The following SPOPL variants were observed in gnomAD, a reference collection of about 807,000 sequenced individuals.
SPOPL encodes speckle-type POZ protein-like.
SPOPL carries 23 observed loss-of-function variants against 53.8 expected under a neutral mutation model. The observed-to-expected ratio is 0.43, with a 90% confidence interval of 0.31 to 0.61. SPOPL has a LOEUF of 0.61. Ranked by LOEUF, SPOPL falls within the 20% of genes least tolerant of loss-of-function variation. The probability of loss-of-function intolerance (pLI) is 0.12; values close to 1 mark genes in which losing one functional copy is unlikely to be tolerated. For missense variants in SPOPL, 442 were observed against 466.9 expected (o/e 0.95, Z 0.49); for synonymous variants, 164 against 149.7 (o/e 1.10, Z -0.70).
chr2:138,554,440 A>G, intron 5 of SPOPL: 1 of 1,229,620 alleles, frequency 8.1e-7, no homozygotes, highest in Non-Finnish European at 1.1e-6. Flanking sequence ...CTTCTACAGA[A>G]TCTCCAGCAC....
chr2:138,514,579 A>T (rs1179527160), intron 1 of SPOPL, among the ~76,000 whole-genome samples: 2 of 152,068 alleles, frequency 1.3e-5, no homozygotes, highest in Non-Finnish European at 2.9e-5. Context: ...TCTGTATATC[A>T]TGATTTATCT....
In SPOPL at chr2:138,571,321, G is replaced by T. The variant is rs13404361; in HGVS notation, c.*2241G>T. 3,080 of 152,390 alleles carry T rather than the reference G, an allele frequency of 0.02. 57 individuals carry two copies. Among genetic ancestry groups the T allele is most frequent in the Non-Finnish European group, 0.032 (2,208 of 67,940 alleles). The allele number at this position is 152,390 out of a possible 1,614,324, so 9.4% of individuals were successfully genotyped here. ...CCACAGTGACTTCAGTAAAAATACC[G>T]TATAATGAACATTTCAGCTTCTTCT... is the stretch of plus-strand genomic sequence containing the variant. On this transcript the variant is annotated 3_prime_UTR_variant, in exon 11 of 11. Coordinates refer to ENST00000280098, the MANE Select transcript of SPOPL (RefSeq NM_001001664.3).
At chr2:138,565,858 C>T (rs1309597845) in intron 10 of SPOPL, among the ~76,000 whole-genome samples, 1 of 151,274 alleles carries the variant, frequency 6.6e-6, no homozygotes, top group Non-Finnish European at 1.5e-5. Flanking sequence ...CTCAGCCTCC[C>T]AAGTAGCTGG....
intron 4 of SPOPL, among the ~76,000 whole-genome samples, chr2:138,552,027 C>A (rs1016586913): frequency 9.9e-5 from 15 of 151,850 alleles, no homozygotes; most frequent in South Asian, 2.1e-4. Flanking sequence ...AAAGGACTTT[C>A]TTTATCTTTT....
chr2:138,513,442 A>C (rs1034568652), intron 1 of SPOPL, among the ~76,000 whole-genome samples: 3 of 152,122 alleles, frequency 2.0e-5, no homozygotes, highest in Non-Finnish European at 4.4e-5. Context: ...AATCCCAGCT[A>C]CTCGGGAGGC....
chr2:138,512,458 G>A (rs1003461450), intron 1 of SPOPL, among the ~76,000 whole-genome samples: 68 of 152,086 alleles, frequency 4.5e-4, no homozygotes, highest in African/African-American at 1.4e-3. Flanking sequence ...TATTATTGAC[G>A]CGTGTTTTAA....
At chr2:138,557,160 G>GA (rs200176793) in intron 5 of SPOPL, among the ~76,000 whole-genome samples, 39 of 142,450 alleles carry the variant, frequency 2.7e-4, no homozygotes, top group Non-Finnish European at 2.9e-4. Context: ...CGTCTCAAAA[G>GA]AAAAAAAAAA....
chr2:138,503,657 C>G (rs1684153371), intron 1 of SPOPL, among the ~76,000 whole-genome samples: 2 of 152,210 alleles, frequency 1.3e-5, no homozygotes, highest in African/African-American at 4.8e-5. Context: ...ACAGATAGGT[C>G]AGTCCTTATT....
At chr2:138,540,870 G>A (rs1399364433) in intron 1 of SPOPL, among the ~76,000 whole-genome samples, 2 of 152,128 alleles carry the variant, frequency 1.3e-5, no homozygotes, top group African/African-American at 4.8e-5. Flanking sequence ...TATGATATTG[G>A]CTGTGGGTTT....
At position 138,571,232 on chromosome 2, in the gene SPOPL, A is replaced by G. The variant is rs1393975227; in HGVS notation, c.*2152A>G. 1 of 152,466 alleles carries G rather than the reference A, an allele frequency of 6.6e-6. No individual in the cohort carries two copies. The highest frequency in any genetic ancestry group is 1.5e-5 in the Non-Finnish European group (1 of 68,020). 9.4% of individuals were successfully genotyped at this position (152,466 alleles called of 1,614,324 possible). On this transcript the variant is annotated 3_prime_UTR_variant, in exon 11 of 11. Coordinates refer to ENST00000280098, the MANE Select transcript of SPOPL (RefSeq NM_001001664.3). ...CAGAAAAGTACTGATGTATCCATTT[A>G]TATCCAATGCGCACCACACCGGCAC...
At chr2:138,543,406 C>T (rs1685118680) in intron 1 of SPOPL, among the ~76,000 whole-genome samples, 1 of 152,126 alleles carries the variant, frequency 6.6e-6, no homozygotes, top group Non-Finnish European at 1.5e-5. Context: ...TCACATAGTC[C>T]CATATTTCTT....
intron 1 of SPOPL, among the ~76,000 whole-genome samples, chr2:138,531,236 T>G (rs1684801374): frequency 6.6e-6 from 1 of 152,116 alleles, no homozygotes; most frequent in African/African-American, 2.4e-5. Flanking sequence ...TTTTTAGTTA[T>G]GCTGTCTTTT....
At chr2:138,537,512 C>G (rs1684963998) in intron 1 of SPOPL, among the ~76,000 whole-genome samples, 1 of 152,216 alleles carries the variant, frequency 6.6e-6, no homozygotes, top group African/African-American at 2.4e-5. Flanking sequence ...TGGCATCGGG[C>G]TGTCTGCCTG....
rs1685827097 is a variant in SPOPL at position 138,573,401 on chromosome 2, CTG to C, written c.*4323_*4324del. 1 of 152,126 alleles carries C rather than the reference CTG, an allele frequency of 6.6e-6. No homozygotes were observed. The highest frequency in any genetic ancestry group is 6.6e-5 in the Admixed American group (1 of 15,266). 9.4% of individuals were successfully genotyped at this position (152,126 alleles called of 1,614,324 possible). A position where few individuals can be genotyped will look rare whatever the true frequency, so the allele number is the denominator to read the frequency against. On this transcript the variant is annotated 3_prime_UTR_variant, in exon 11 of 11. Coordinates refer to ENST00000280098, the MANE Select transcript of SPOPL (RefSeq NM_001001664.3). ...TGGAACCAATTGAAGACATTCTTAA[CTG>C]TAAAATATTAATATGCATTTATTTT... is the stretch of plus-strand genomic sequence containing the variant.
chr2:138,514,157 G>T (rs1684389028), intron 1 of SPOPL, among the ~76,000 whole-genome samples: 1 of 152,162 alleles, frequency 6.6e-6, no homozygotes, highest in Non-Finnish European at 1.5e-5. Flanking sequence ...TTGAGGACCT[G>T]CGCTGGGGTA....
chr2:138,528,717 G>C (rs1308402287), intron 1 of SPOPL, among the ~76,000 whole-genome samples: 1 of 152,120 alleles, frequency 6.6e-6, no homozygotes, highest in Non-Finnish European at 1.5e-5. Context: ...TTTGTTCTGG[G>C]TTATTAAAAC....
At chr2:138,532,420 CTTTTTTTTTTTT>C (rs769229731) in intron 1 of SPOPL, among the ~76,000 whole-genome samples, 3 of 53,246 alleles carry the variant, frequency 5.6e-5, no homozygotes, top group East Asian at 6.1e-4. Flanking sequence ...TTTTTGTTCG[CTTTTTTTTTTTT>C]TTTTTTTTTT....
At chr2:138,562,242 A>G (rs1040009677) in intron 8 of SPOPL, among the ~76,000 whole-genome samples, 2 of 152,026 alleles carry the variant, frequency 1.3e-5, no homozygotes, top group Admixed American at 6.6e-5. Flanking sequence ...AGAATAAAGT[A>G]GAGGACTAAC....
chr2:138,530,874 G>A (rs1232231792), intron 1 of SPOPL, among the ~76,000 whole-genome samples: 3 of 151,662 alleles, frequency 2.0e-5, no homozygotes, highest in African/African-American at 7.3e-5. Context: ...GGTAGTAGTG[G>A]TCTTCTTGCC....
Sources: allele counts gnomAD v4.1 joint callset (sites outside exome capture counted in the v4.1 genomes callset), GRCh38; gene constraint gnomAD v4.1.1; transcripts MANE v1.5; gene names NCBI Gene and HGNC (gene_info 2026-07-23, HGNC 2026-07-21).